AKR7A3: variants seen among roughly 807,000 people sequenced by gnomAD.
AKR7A3 encodes the protein AFB1 aldehyde reductase 2.
AKR7A3 carries 37 observed loss-of-function variants against 32.5 expected under a neutral mutation model. That is an observed-to-expected ratio of 1.14 (90% CI 0.88 to 1.50). AKR7A3 has a LOEUF of 1.50. Ranked by LOEUF, AKR7A3 falls within the 40% of genes most tolerant of loss-of-function variation. AKR7A3 has a pLI of 0.00. For synonymous variants in AKR7A3, 177 were observed against 188.4 expected, an observed-to-expected ratio of 0.94 and a Z score of 0.50; for missense variants, 412 against 453.2, an observed-to-expected ratio of 0.91 and a Z score of 0.83.
chr1:19,282,098 A>G (rs1418904678), downstream of AKR7A3, among the ~76,000 whole-genome samples: 1 of 151,920 alleles, frequency 6.6e-6, no homozygotes, highest in African/African-American at 2.4e-5. Flanking sequence ...GTACTTTGCA[A>G]TGTGAGAAGA....
intron 5 of AKR7A3, among the ~76,000 whole-genome samples, 185 bp downstream of exon 5, chr1:19,284,501 T>A (rs114675589): frequency 0.028 from 4,291 of 151,436 alleles, 78 homozygotes; most frequent in South Asian, 0.054. Flanking sequence ...GTCCAGGGAG[T>A]CTCCTTTCCT....
rs1569656843 is a variant in AKR7A3 at position 19,286,329 on chromosome 1, C to A, written c.258G>T (p.Leu86=). ...GCTGGAACCGGAGACTGTCAGGCTT[C>A]AGGGAGTTCCCAAACAGTGGAATGG... The part of the protein sequence containing the change: ...TKAIPLFGNS[L]KPDSLRFQLE... The change falls in exon 2 of 7, where the codon CTG becomes CTT. Residue 86 remains leucine (L), a synonymous_variant. Coordinates refer to ENST00000361640, the MANE Select transcript of AKR7A3 (RefSeq NM_012067.3). The A allele has an allele frequency of 1.5e-5, 25 of 1,613,790 alleles. No individual in the cohort carries two copies. Among genetic ancestry groups the A allele is most frequent in the Non-Finnish European group, 1.8e-5 (21 of 1,180,034 alleles).
At position 19,284,776 on chromosome 1, in the gene AKR7A3, A is replaced by T; in HGVS notation, c.614T>A (p.Leu205Gln). The change falls in exon 5 of 7, where the codon CTG (leucine) becomes CAG (glutamine). Residue 205 changes from leucine to glutamine, a missense_variant. By Grantham distance (113) the Leu-to-Gln change is moderately radical (BLOSUM62 -2). Transcript: ENST00000361640. ...GTCCTCATACTTGTACTTGCCGGTC[A>T]GCAGGCCCCCTGAGGGAAAGCAGCA... Reference protein sequence around the residue: ...YAFNPLAGGLLTGKYKYEDKN... With the variant: ...YAFNPLAGGLQTGKYKYEDKN... 1 of 1,613,926 alleles carries T rather than the reference A, an allele frequency of 6.2e-7. No homozygotes were observed.
downstream of AKR7A3, among the ~76,000 whole-genome samples, chr1:19,278,786 C>T (rs116630228): frequency 3.4e-3 from 522 of 151,904 alleles, 15 homozygotes; most frequent in African/African-American, 0.012. Flanking sequence ...AACCTCCTCC[C>T]GGTCCTAGGC....
rs774696982 is a variant in AKR7A3 at position 19,288,495 on chromosome 1, C to T, written c.214+1G>A. 12 of 1,610,564 alleles carry T rather than the reference C, an allele frequency of 7.5e-6. No homozygotes were observed. The highest frequency in any genetic ancestry group is 1.0e-5 in the Non-Finnish European group (12 of 1,179,362). ...GGGGGAGGATCAGGGGCCACTGTTA[C>T]CTCTGCAGTCGCTGCCGCCCAGCCG... On this transcript the variant is annotated splice_donor_variant, in intron 1 of 6. Transcript: ENST00000361640. LOFTEE classifies it high-confidence loss of function.
At chr1:19,283,510 A>T (rs2093722471) in intron 6 of AKR7A3, among the ~76,000 whole-genome samples, 1 of 152,010 alleles carries the variant, frequency 6.6e-6, no homozygotes, top group Non-Finnish European at 1.5e-5. Context: ...TCTCATTACA[A>T]AGCCTGGCAC....
In AKR7A3 at chr1:19,282,648, A is replaced by G. The variant is rs2093720698; in HGVS notation, c.*83T>C. 1 of 1,599,998 alleles carries G rather than the reference A, an allele frequency of 6.3e-7. No individual in the cohort carries two copies. The highest frequency in any genetic ancestry group is 8.5e-7 in the Non-Finnish European group (1 of 1,171,964). Reference sequence around the variant, plus strand: ...CAAATACTTCCATCCCTAAGAATTTACTGAGGCAGTTCTAAATTAAAGAAA... The same window carrying G: ...CAAATACTTCCATCCCTAAGAATTTGCTGAGGCAGTTCTAAATTAAAGAAA... On this transcript the variant is annotated 3_prime_UTR_variant, in exon 7 of 7. Transcript: ENST00000361640.
chr1:19,278,810 C>T (rs1467025141), downstream of AKR7A3, among the ~76,000 whole-genome samples: 2 of 151,868 alleles, frequency 1.3e-5, no homozygotes. Flanking sequence ...CACTCATCTA[C>T]TTTCTCTCTC....
chr1:19,285,043 C>G lies in AKR7A3; in HGVS notation c.579G>C (p.Arg193Ser), dbSNP rs144024296. ...LFPCLRHFGL[R>S]FYAFNPLAGG... ...CAGCCAGAGGGTTGAAGGCATAGAA[C>G]CTCAGTCCAAAGTGCCTGAGGCAGG... Residue 193 changes from arginine (R) to serine (S), a missense_variant, in exon 4 of 7, where the codon AGG becomes AGC. By Grantham distance (110) the Arg-to-Ser change is moderately radical. Coordinates refer to ENST00000361640, the MANE Select transcript of AKR7A3 (RefSeq NM_012067.3). 6.2e-7 allele frequency: 1 copy of G among 1,613,052 alleles called. No individual in the cohort carries two copies. The highest frequency in any genetic ancestry group is 2.2e-5 in the East Asian group (1 of 44,882).
chr1:19,286,267 A>C lies in AKR7A3; in HGVS notation c.320T>G (p.Val107Gly), dbSNP rs553151464. The C allele has an allele frequency of 6.2e-7, 1 of 1,613,724 alleles. No homozygotes were observed. The highest frequency in any genetic ancestry group is 1.7e-5 in the Admixed American group (1 of 60,008). ...TGGCATATGCAGGTAGAAGAGGTCC[A>C]CTCGGGGACACTGCAGCCGCTTCAG... ...TSLKRLQCPR[V>G]DLFYLHMPDH... Residue 107 changes from valine (V) to glycine (G), a missense_variant, in exon 2 of 7, where the codon GTG becomes GGG. Transcript: ENST00000361640.
intron 6 of AKR7A3, among the ~76,000 whole-genome samples, chr1:19,283,161 C>T (rs1382757401): frequency 6.7e-6 from 1 of 149,346 alleles, no homozygotes; most frequent in Non-Finnish European, 1.5e-5. Context: ...TATTAAACCT[C>T]TCTGAGATTC....
rs1244321199 is a variant in AKR7A3, at chr1:19,283,991, G to C, written c.834+5C>G. On this transcript the variant is annotated splice_donor_5th_base_variant and intron_variant, in intron 6 of 6. Coordinates refer to ENST00000361640, the MANE Select transcript of AKR7A3 (RefSeq NM_012067.3). The stretch of plus-strand genomic sequence containing the variant: ...AGAAGCTGAGCGCACAGGGTCACTG[G>C]TTACCTGCAGCTGTGAGTGGTGGTA... The C allele has an allele frequency of 1.2e-6, 2 of 1,613,060 alleles. No homozygotes were observed. The highest frequency in any genetic ancestry group is 3.3e-5 in the Admixed American group (2 of 60,026).
the AKR7A3 span, among the ~76,000 whole-genome samples, chr1:19,274,680 T>C: frequency 6.6e-6 from 1 of 151,530 alleles, no homozygotes; most frequent in Admixed American, 6.6e-5. Flanking sequence ...CTGTGGTGGT[T>C]TACGCCTGTA....
In AKR7A3 at chr1:19,287,549, A is replaced by G. The variant is rs968217291; in HGVS notation, c.214+947T>C. On this transcript the variant is annotated intron_variant, in intron 1 of 6. Coordinates refer to ENST00000361640, the MANE Select transcript of AKR7A3 (RefSeq NM_012067.3). Reference sequence around the variant, plus strand: ...AGCCCTCACTATGTGCCTGCCAGGCATCGGCCTAAGCACTGCAAATGGCAT... The same window carrying G: ...AGCCCTCACTATGTGCCTGCCAGGCGTCGGCCTAAGCACTGCAAATGGCAT... Among the ~76,000 whole-genome samples, 13 of 151,938 alleles carry G rather than the reference A, an allele frequency of 8.6e-5. 1 individual carries two copies. Among genetic ancestry groups the G allele is most frequent in the African/African-American group, 3.2e-4 (13 of 41,206 alleles).
downstream of AKR7A3, among the ~76,000 whole-genome samples, chr1:19,278,412 T>G (rs1361994813): frequency 1.3e-5 from 2 of 151,566 alleles, no homozygotes; most frequent in East Asian, 3.9e-4. Flanking sequence ...ACATAAAAAA[T>G]TAGCCAGATG....
intron 6 of AKR7A3, among the ~76,000 whole-genome samples, chr1:19,283,710 A>G (rs1217715610): frequency 6.6e-6 from 1 of 151,906 alleles, no homozygotes; most frequent in Non-Finnish European, 1.5e-5. Context: ...GCACGCCTGT[A>G]ATCCCAGCTA....
downstream of AKR7A3, among the ~76,000 whole-genome samples, chr1:19,282,194 C>T (rs978696824): frequency 3.7e-4 from 56 of 151,928 alleles, 1 homozygote; most frequent in African/African-American, 1.4e-3. Context: ...GCAATGTGAT[C>T]CCCAATGTTA....
rs150844296 is a variant in AKR7A3, at chr1:19,286,079, T to C, written c.403-87A>G. ...GTGGGGCCCCTGGGAGTTGGGCTGT[T>C]CCCTGCTCCACCCTGGAACAGCCCT... On this transcript the variant is annotated intron_variant, in intron 2 of 6. Coordinates refer to ENST00000361640, the MANE Select transcript of AKR7A3 (RefSeq NM_012067.3). 1.4e-3 allele frequency: 2,226 copies of C among 1,591,020 alleles called. 74 individuals are homozygous for C. In the African/African-American group the frequency reaches 0.024, roughly 17 times the overall value.
At chr1:19,274,482 G>A in the AKR7A3 span, among the ~76,000 whole-genome samples, 1 of 151,790 alleles carries the variant, frequency 6.6e-6, no homozygotes, top group African/African-American at 2.4e-5. Context: ...CTCCAGGAGG[G>A]AGCTTAACGG....
Sources: allele counts gnomAD v4.1 joint callset (sites outside exome capture counted in the v4.1 genomes callset), GRCh38; gene constraint gnomAD v4.1.1; transcripts MANE v1.5; gene names NCBI Gene and HGNC (gene_info 2026-07-23, HGNC 2026-07-21).